WDR48: variants seen among roughly 807,000 people sequenced by gnomAD.
The protein encoded by WDR48 is WD repeat-containing protein 48.
WDR48 carries 22 observed loss-of-function variants against 94.0 expected under a neutral mutation model. The ratio of observed to expected loss-of-function variants is 0.23; its 90% CI spans 0.17 to 0.33. The LOEUF is 0.33. WDR48 is among the 10% of genes least tolerant of loss of function. The probability of loss-of-function intolerance (pLI) is 1.00; values close to 1 mark genes in which losing one functional copy is unlikely to be tolerated. For synonymous variants in WDR48, 278 were observed against 280.5 expected (o/e 0.99, Z 0.09); for missense variants, 541 against 813.8 (o/e 0.66, Z 4.08).
In WDR48 at chr3:39,091,683, G is replaced by T; in HGVS notation, c.1727G>T (p.Gly576Val). The T allele has an allele frequency of 6.2e-7, 1 of 1,604,724 alleles. No homozygotes were observed. The highest frequency in any genetic ancestry group is 1.1e-5 in the South Asian group (1 of 88,622). ...TACCTCCAACCTCATGCATCTTCAG[G>T]AGCAAAAACCTTAAAAAAGTAAGTA... The part of the protein sequence containing the change: ...PFYLQPHASS[G>V]AKTLKKDRLS... The change falls in exon 17 of 19, where the codon GGA becomes GTA. Residue 576 changes from glycine to valine, a missense_variant. Coordinates refer to ENST00000302313, the MANE Select transcript of WDR48 (RefSeq NM_020839.4).
intron 11 of WDR48, among the ~76,000 whole-genome samples, chr3:39,082,489 C>T (rs139258039): frequency 1.8e-4 from 28 of 152,126 alleles, no homozygotes; most frequent in Non-Finnish European, 3.4e-4. Flanking sequence ...TCCTTGTTGG[C>T]CAGGATGGTC....
chr3:39,066,711 A>G, intron 4 of WDR48, 35 bp from the exon 5 acceptor site: 2 of 1,613,780 alleles, frequency 1.2e-6, no homozygotes, highest in Middle Eastern at 1.7e-4. Flanking sequence ...TTACTGATCT[A>G]CAGAATAGAT....
rs1050230475 is a variant in WDR48, at chr3:39,096,327, C to T, written c.*1584C>T. 2 of 151,806 alleles carry T rather than the reference C, an allele frequency of 1.3e-5. No individual in the cohort carries two copies. Among genetic ancestry groups the T allele is most frequent in the Non-Finnish European group, 2.9e-5 (2 of 68,008 alleles). 9.4% of individuals were successfully genotyped at this position (151,806 alleles called of 1,614,324 possible). On this transcript the variant is annotated 3_prime_UTR_variant, in exon 19 of 19. Transcript: ENST00000302313. Reference sequence around the variant, plus strand: ...CTTTTTTTTTAAAAGTCCTTTCTATCTGTTGGATACAACAGTGTGCTTTTG... The same window carrying T: ...CTTTTTTTTTAAAAGTCCTTTCTATTTGTTGGATACAACAGTGTGCTTTTG...
intron 7 of WDR48, among the ~76,000 whole-genome samples, chr3:39,071,297 G>A (rs1312558018): frequency 6.6e-6 from 1 of 152,180 alleles, no homozygotes; most frequent in Non-Finnish European, 1.5e-5. Flanking sequence ...ATTTCCTAGA[G>A]CTCTCAAGTT....
chr3:39,076,410 G>C (rs1226884867), intron 8 of WDR48, among the ~76,000 whole-genome samples: 1 of 152,216 alleles, frequency 6.6e-6, no homozygotes, highest in South Asian at 2.1e-4. Flanking sequence ...TTCTGCAGCT[G>C]CCTGGATCTC....
intron 18 of WDR48, chr3:39,094,273 A>G: frequency 7.0e-7 from 1 of 1,432,986 alleles, no homozygotes; most frequent in Non-Finnish European, 9.1e-7. Flanking sequence ...ATGTGCTGGT[A>G]GCTTTTTTTT....
chr3:39,054,965 A>C (rs1181853019), intron 1 of WDR48, among the ~76,000 whole-genome samples: 1 of 152,242 alleles, frequency 6.6e-6, no homozygotes, highest in Non-Finnish European at 1.5e-5. Context: ...AGGACATGGG[A>C]TATCTTTTAG....
intron 7 of WDR48, among the ~76,000 whole-genome samples, chr3:39,073,874 G>T (rs1327495019): frequency 6.6e-6 from 1 of 152,166 alleles, no homozygotes; most frequent in African/African-American, 2.4e-5. Flanking sequence ...AAGAGACCTG[G>T]CCTCATCAGG....
chr3:39,094,832 G>A lies in WDR48; in HGVS notation c.*89G>A, dbSNP rs1213512330. On this transcript the variant is annotated 3_prime_UTR_variant, in exon 19 of 19. Coordinates refer to ENST00000302313, the MANE Select transcript of WDR48 (RefSeq NM_020839.4). ...TAGGAAGCCCACTGATCCCCAACGG[G>A]AGCAAGACTTCTAACGGCTGATTGG... 6.6e-7 allele frequency: 1 copy of A among 1,504,802 alleles called. No individual in the cohort carries two copies. Among genetic ancestry groups the A allele is most frequent in the Non-Finnish European group, 9.0e-7 (1 of 1,109,850 alleles). The allele number at this position is 1,504,802 out of a possible 1,614,324, so 93.2% of individuals were successfully genotyped here.
At chr3:39,069,561 C>T (rs768167543) in intron 6 of WDR48, 82 bp from the exon 7 acceptor site, 41 of 1,212,998 alleles carry the variant, frequency 3.4e-5, no homozygotes, top group Non-Finnish European at 4.1e-5. Flanking sequence ...TAATGGTTAT[C>T]ATTTGACTTA....
chr3:39,058,777 A>G (rs1209268996), intron 1 of WDR48, among the ~76,000 whole-genome samples: 1 of 152,162 alleles, frequency 6.6e-6, no homozygotes, highest in African/African-American at 2.4e-5. Context: ...GAGAAGATAC[A>G]CCAAAAAATA....
intron 2 of WDR48, 64 bp from the exon 3 acceptor site, chr3:39,065,747 T>A (rs542588801): frequency 8.1e-7 from 1 of 1,239,466 alleles, no homozygotes; most frequent in South Asian, 1.4e-5. Flanking sequence ...TTTAACCATA[T>A]CTATCATTTG....
In WDR48 at chr3:39,094,004, G is replaced by C; in HGVS notation, c.1876G>C (p.Glu626Gln). 3.7e-6 allele frequency: 6 copies of C among 1,613,718 alleles called. No homozygotes were observed. The highest frequency in any genetic ancestry group is 5.1e-6 in the Non-Finnish European group (6 of 1,179,916). Residue 626 changes from glutamate to glutamine, a missense_variant, in exon 18 of 19, where the codon GAA (glutamate) becomes CAA (glutamine). By Grantham distance (29) the Glu-to-Gln change is conservative (BLOSUM62 2). Around this residue, in one of 5 missense-constraint regions of WDR48, gnomAD observed 109 missense variants for 195.5 expected, o/e 0.56. Transcript: ENST00000302313. ...TAATAATGAAAAACCAGGAGAACAGGAAAAAGAAGAAGATATTGCTGTGTT... is the reference window on the plus strand; with the variant it reads ...TAATAATGAAAAACCAGGAGAACAGCAAAAAGAAGAAGATATTGCTGTGTT... ...SSNNEKPGEQ[E>Q]KEEDIAVLAE...
chr3:39,062,905 G>A (rs2033360171), intron 1 of WDR48, 145 bp from the exon 2 acceptor site: 4 of 964,580 alleles, frequency 4.1e-6, no homozygotes, highest in Non-Finnish European at 6.0e-6. Context: ...AGTCTTTAAG[G>A]AGTAAAATTT....
chr3:39,076,359 TG>T (rs2034224350), intron 8 of WDR48, among the ~76,000 whole-genome samples: 1 of 152,188 alleles, frequency 6.6e-6, no homozygotes, highest in Non-Finnish European at 1.5e-5. Context: ...GCTGATGTGA[TG>T]GGGAGACAAA....
chr3:39,062,922 G>GT (rs2033361239), intron 1 of WDR48, 128 bp from the exon 2 acceptor site: 1 of 1,201,926 alleles, frequency 8.3e-7, no homozygotes, highest in South Asian at 1.6e-5. Context: ...ATTTAAATTT[G>GT]TATTGGGTTG....
Position 39,084,319 on chromosome 3 carries a change from CTTATAA to C in WDR48, c.1281+62_1281+67del, listed in dbSNP as rs917095010. The C allele has an allele frequency of 2.8e-5, 36 of 1,274,324 alleles. 1 individual carries two copies. In the African/African-American group the frequency reaches 5.2e-4, roughly 18 times the overall value. 78.9% of individuals were successfully genotyped at this position (1,274,324 alleles called of 1,614,324 possible). ...GGATAATTGAAGATTTTCATTATAG[CTTATAA>C]TTATTATTAGTTACAGAGTCCTGTG... On this transcript the variant is annotated intron_variant, in intron 12 of 18. Coordinates refer to ENST00000302313, the MANE Select transcript of WDR48 (RefSeq NM_020839.4).
chr3:39,077,237 A>G (rs2034276446), intron 9 of WDR48, 24 bp downstream of exon 9: 6 of 1,612,522 alleles, frequency 3.7e-6, no homozygotes, highest in African/African-American at 1.3e-5. Context: ...TAACCTGGCA[A>G]AGGTTTATAA....
chr3:39,085,687 C>G, intron 14 of WDR48, 77 bp downstream of exon 14: 1 of 1,225,810 alleles, frequency 8.2e-7, no homozygotes, highest in Non-Finnish European at 1.2e-6. Context: ...AAGGTACTTA[C>G]TTAAACCGTT....
Sources: allele counts gnomAD v4.1 joint callset (sites outside exome capture counted in the v4.1 genomes callset), GRCh38; gene constraint gnomAD v4.1.1; regional missense constraint gnomAD v4.1.1; transcripts MANE v1.5; gene names NCBI Gene and HGNC (gene_info 2026-07-23, HGNC 2026-07-21).